TMIE: variants seen among roughly 807,000 people sequenced by gnomAD.
TMIE encodes transmembrane inner ear expressed protein.
A neutral mutation model predicts 16.8 loss-of-function variants in TMIE; 14 were observed. That is an observed-to-expected ratio of 0.83 (90% CI 0.55 to 1.30). The LOEUF (loss-of-function observed/expected upper bound fraction) is 1.30. Among genes scored for constraint, TMIE ranks in the 50% most tolerant of loss-of-function variants. TMIE has a pLI of 0.00. For synonymous variants in TMIE, 75 were observed against 87.2 expected (o/e 0.86, Z 0.78); for missense variants, 204 against 205.9 (o/e 0.99, Z 0.06).
At chr3:46,705,129 G>A (rs1054301981) in intron 1 of TMIE, among the ~76,000 whole-genome samples, 7 of 152,202 alleles carry the variant, frequency 4.6e-5, no homozygotes, top group Admixed American at 2.0e-4. Flanking sequence ...TGGAAAGTGG[G>A]AGTGTCTGGC....
intron 3 of TMIE, 84 bp downstream of exon 3, chr3:46,709,359 A>G (rs1700592256): frequency 1.1e-5 from 17 of 1,607,954 alleles, no homozygotes; most frequent in Non-Finnish European, 1.4e-5. Context: ...CTCTGCTCCA[A>G]CCAAAGCAGG....
At chr3:46,703,476 G>T (rs7650366) in intron 1 of TMIE, among the ~76,000 whole-genome samples, 32,363 of 152,060 alleles carry the variant, frequency 0.21, 3,825 homozygotes, top group South Asian at 0.33. Context: ...GCCACCATCA[G>T]GGCCCTAACC....
At chr3:46,709,342 C>G in intron 3 of TMIE, 67 bp downstream of exon 3, 1 of 1,610,604 alleles carries the variant, frequency 6.2e-7, no homozygotes, top group Non-Finnish European at 8.5e-7. Flanking sequence ...CTGGAGTCAC[C>G]CTGTTCCTCT....
At chr3:46,699,057 CTTATTTTTTT>C (rs1280744408), upstream of TMIE, among the ~76,000 whole-genome samples, 1 of 65,290 alleles carries the variant, frequency 1.5e-5, no homozygotes, top group Non-Finnish European at 3.3e-5. Flanking sequence ...AATGGTGTTT[CTTATTTTTTT>C]TTTTTTTTTT....
At chr3:46,708,063 C>T (rs1349726656) in intron 2 of TMIE, among the ~76,000 whole-genome samples, 1 of 152,192 alleles carries the variant, frequency 6.6e-6, no homozygotes, top group Non-Finnish European at 1.5e-5. Context: ...ATGCTATTGG[C>T]TCCCCAATTC....
upstream of TMIE, among the ~76,000 whole-genome samples, chr3:46,697,696 G>A (rs908652962): frequency 1.3e-5 from 2 of 152,026 alleles, no homozygotes; most frequent in African/African-American, 4.8e-5. Flanking sequence ...CTGGCAACTG[G>A]TGTCTTGGGG....
intron 1 of TMIE, among the ~76,000 whole-genome samples, chr3:46,695,450 G>A (rs1223552473): frequency 6.6e-6 from 1 of 152,184 alleles, no homozygotes; most frequent in African/African-American, 2.4e-5. Flanking sequence ...TGAGAGGAGG[G>A]GTATGGTGGG....
At chr3:46,699,323 G>A (rs1254827411), upstream of TMIE, among the ~76,000 whole-genome samples, 1 of 151,972 alleles carries the variant, frequency 6.6e-6, no homozygotes, top group African/African-American at 2.4e-5. Flanking sequence ...TGCCCACCTC[G>A]GCCTCCCAAG....
At chr3:46,695,690 A>T (rs1271663809) in intron 1 of TMIE, among the ~76,000 whole-genome samples, 1 of 152,148 alleles carries the variant, frequency 6.6e-6, no homozygotes, top group African/African-American at 2.4e-5. Flanking sequence ...TCTGGGCCTC[A>T]CTTTCATCAT....
intron 1 of TMIE, among the ~76,000 whole-genome samples, chr3:46,695,781 C>T (rs1700406839): frequency 6.6e-6 from 1 of 152,210 alleles, no homozygotes; most frequent in African/African-American, 2.4e-5. Context: ...CTCCCTAGAG[C>T]ACAGACTTCC....
At chr3:46,705,979 T>C in intron 2 of TMIE, 72 bp downstream of exon 2, 1 of 1,495,334 alleles carries the variant, frequency 6.7e-7, no homozygotes, top group South Asian at 1.1e-5. Context: ...CCCAGAGGGC[T>C]CAGAGCAGCA....
upstream of TMIE, among the ~76,000 whole-genome samples, chr3:46,698,897 G>T (rs2106771430): frequency 6.6e-6 from 1 of 150,790 alleles, no homozygotes; most frequent in Non-Finnish European, 1.5e-5. Context: ...TGCTTAGGCT[G>T]GTCTCAAACT....
upstream of TMIE, among the ~76,000 whole-genome samples, chr3:46,698,437 G>A (rs935681580): frequency 4.6e-5 from 7 of 151,940 alleles, no homozygotes; most frequent in African/African-American, 1.7e-4. Context: ...CTTGTGATAT[G>A]CTGGTGCATG....
rs765221463 is a variant in TMIE at position 46,705,819 on chromosome 3, G to C, written c.123G>C (p.Pro41=). The C allele has an allele frequency of 1.2e-6, 2 of 1,613,910 alleles. No individual in the cohort carries two copies. Among genetic ancestry groups the C allele is most frequent in the African/African-American group, 2.7e-5 (2 of 74,914 alleles). The change falls in exon 2 of 4, where the codon CCG becomes CCC. Residue 41 remains proline (P), a synonymous_variant. Transcript: ENST00000643606. ...EPSTAPPKPK[P]PPLTKETVVF... ...GCACGGCCCCACCCAAGCCCAAGCC[G>C]CCTCCGCTGACCAAGGAGACAGTGG... is the stretch of plus-strand genomic sequence containing the variant.
chr3:46,695,160 C>T (rs1264908544), intron 1 of TMIE, among the ~76,000 whole-genome samples: 1 of 152,216 alleles, frequency 6.6e-6, no homozygotes, highest in Non-Finnish European at 1.5e-5. Context: ...CACTTGGCTC[C>T]CTGAGTCTAC....
chr3:46,699,060 ATTTTT>A (rs397951323), upstream of TMIE, among the ~76,000 whole-genome samples: 7 of 84,852 alleles, frequency 8.2e-5, no homozygotes, highest in Non-Finnish European at 1.5e-4. Context: ...GGTGTTTCTT[ATTTTT>A]TTTTTTTTTT....
intron 2 of TMIE, among the ~76,000 whole-genome samples, chr3:46,706,534 A>G (rs907641089): frequency 2.6e-5 from 4 of 152,192 alleles, no homozygotes; most frequent in Non-Finnish European, 4.4e-5. Context: ...CAGGAGACAG[A>G]GGCCAAGTGG....
At chr3:46,705,971 C>T (rs1051545413) in intron 2 of TMIE, 64 bp downstream of exon 2, 2 of 1,517,058 alleles carry the variant, frequency 1.3e-6, no homozygotes, top group Admixed American at 1.7e-5. Flanking sequence ...CCCTGCCCCC[C>T]AGAGGGCTCA....
At chr3:46,701,139 A>G (rs1448025600), upstream of TMIE, among the ~76,000 whole-genome samples, 1 of 150,080 alleles carries the variant, frequency 6.7e-6, no homozygotes, top group Non-Finnish European at 1.5e-5. The surrounding 1 kb of genome is among the most constrained non-coding windows in gnomAD (Gnocchi z 4.3). Context: ...TCCCAGATGG[A>G]GAAACTGAGG....
Sources: allele counts gnomAD v4.1 joint callset (sites outside exome capture counted in the v4.1 genomes callset), GRCh38; gene constraint gnomAD v4.1.1; non-coding constraint Gnocchi (gnomAD v3.1); transcripts MANE v1.5; gene names NCBI Gene and HGNC (gene_info 2026-07-23, HGNC 2026-07-21).